The following FBLN1 variants were observed in gnomAD, a reference collection of about 807,000 sequenced individuals.
FBLN1 encodes fibulin 1.
A neutral mutation model predicts 89.7 loss-of-function variants in FBLN1; 34 were observed. The ratio of observed to expected loss-of-function variants is 0.38; its 90% CI spans 0.29 to 0.50. FBLN1 has a LOEUF of 0.50. Ranked by LOEUF, FBLN1 falls within the 20% of genes least tolerant of loss-of-function variation. The pLI is 0.92. For synonymous variants in FBLN1, 393 were observed against 391.3 expected (o/e 1.00, Z -0.05); for missense variants, 777 against 988.1 (o/e 0.79, Z 2.86).
In FBLN1 at chr22:45,535,351, C is replaced by T. The variant is rs147740669; in HGVS notation, c.922+14C>T. 5.7e-5 allele frequency: 92 copies of T among 1,614,004 alleles called. 1 individual carries two copies. In the Admixed American group the frequency reaches 1.1e-3, roughly 20 times the overall value. ...GCAACTGTATTGGTAAGAGGTGTGC[C>T]GCCAGGATTAGCGGGTTATTCCAGG... is the stretch of plus-strand genomic sequence containing the variant. On this transcript the variant is annotated intron_variant, in intron 8 of 16. Coordinates refer to ENST00000327858, the MANE Select transcript of FBLN1 (RefSeq NM_006486.3).
chr22:45,540,040 T>A (rs2088534781), intron 8 of FBLN1, among the ~76,000 whole-genome samples: 1 of 152,240 alleles, frequency 6.6e-6, no homozygotes, highest in South Asian at 2.1e-4. Flanking sequence ...AAAGCACCCC[T>A]GAGCAATGCA....
In FBLN1 at chr22:45,545,227, T is replaced by C. The variant is rs1391287446; in HGVS notation, c.1321+1701T>C. ...TCACGAGTTGAGTCTCTCAGGCTTG[T>C]GTTCAAACCTGACTTCTGCCATTTC... On this transcript the variant is annotated intron_variant, in intron 11 of 16. Transcript: ENST00000327858. The surrounding 1 kb of genome is among the most constrained non-coding windows in gnomAD (Gnocchi z 5.9). Among the ~76,000 whole-genome samples, 1 of 152,206 alleles carries C rather than the reference T, an allele frequency of 6.6e-6. No individual in the cohort carries two copies. Among genetic ancestry groups the C allele is most frequent in the Non-Finnish European group, 1.5e-5 (1 of 68,042 alleles).
At chr22:45,596,698 A>AT (rs561014358) in intron 16 of FBLN1, among the ~76,000 whole-genome samples, 2 of 126,502 alleles carry the variant, frequency 1.6e-5, no homozygotes, top group South Asian at 4.7e-4. Context: ...ATAATTATAT[A>AT]TTTATCATGT....
At chr22:45,525,462 A>G (rs1178484526) in intron 2 of FBLN1, 81 bp from the exon 3 acceptor site, 3 of 1,302,042 alleles carry the variant, frequency 2.3e-6, no homozygotes, top group East Asian at 5.0e-5. Flanking sequence ...CTCAAAGGTG[A>G]GAGCACCCCC....
At chr22:45,522,970 G>A (rs2088270449) in intron 2 of FBLN1, 1 of 530,774 alleles carries the variant, frequency 1.9e-6, no homozygotes, top group East Asian at 2.9e-5. Flanking sequence ...GCATTCTATA[G>A]GGGATGCAGA....
Position 45,550,073 on chromosome 22 carries a change from G to A in FBLN1, c.1574-419G>A, listed in dbSNP as rs2088682325. Among the ~76,000 whole-genome samples, 1 of 152,120 alleles carries A rather than the reference G, an allele frequency of 6.6e-6. No homozygotes were observed. Among genetic ancestry groups the A allele is most frequent in the African/African-American group, 2.4e-5 (1 of 41,414 alleles). On this transcript the variant is annotated intron_variant, in intron 13 of 16. Transcript: ENST00000327858. This position sits in a 1 kb window ranked among gnomAD's most constrained non-coding sequence, Gnocchi z 8.4. ...TGGACTCTGATGCCAGCCTGCCCGG[G>A]TTCAAAGCTCAGCTCTGACATTTAT...
At chr22:45,544,210 C>G (rs924586883) in intron 11 of FBLN1, among the ~76,000 whole-genome samples, 3 of 152,156 alleles carry the variant, frequency 2.0e-5, no homozygotes, top group African/African-American at 7.2e-5. Flanking sequence ...CCTCAGCCTC[C>G]CGAATAGCTG....
chr22:45,598,852 A>C (rs1327289413), intron 16 of FBLN1, among the ~76,000 whole-genome samples: 2 of 152,238 alleles, frequency 1.3e-5, no homozygotes, highest in East Asian at 3.8e-4. Context: ...GTGCAGGAGC[A>C]CAGGGGCATG....
At chr22:45,566,171 G>A (rs527336909) in intron 14 of FBLN1, among the ~76,000 whole-genome samples, 53 of 152,328 alleles carry the variant, frequency 3.5e-4, no homozygotes, top group African/African-American at 1.3e-3. Context: ...CAGGCTGGAA[G>A]GAACACCTGT....
At chr22:45,559,368 G>A (rs149628465) in intron 14 of FBLN1, among the ~76,000 whole-genome samples, 2 of 152,148 alleles carry the variant, frequency 1.3e-5, no homozygotes, top group East Asian at 1.9e-4. Context: ...ACCACCCCGC[G>A]TCTCAAGTTT....
At chr22:45,582,086 G>A (rs1405176751) in intron 16 of FBLN1, among the ~76,000 whole-genome samples, 15 of 152,216 alleles carry the variant, frequency 9.9e-5, no homozygotes, top group Non-Finnish European at 2.2e-4. Flanking sequence ...TAAGAAGACT[G>A]AGGCCGGAAG....
At chr22:45,560,447 TAA>T (rs2088837911) in intron 14 of FBLN1, among the ~76,000 whole-genome samples, 1 of 152,196 alleles carries the variant, frequency 6.6e-6, no homozygotes, top group African/African-American at 2.4e-5. Context: ...CCAATCTCCC[TAA>T]GTCTTTGGAT....
chr22:45,600,532 C>T lies in FBLN1; in HGVS notation c.*86C>T. The stretch of plus-strand genomic sequence containing the variant: ...TGTGGTCTGTACTTGTTTATACCCT[C>T]AGACTTTTTTAATGTTAGGTATTTG... On this transcript the variant is annotated 3_prime_UTR_variant, in exon 17 of 17. Transcript: ENST00000327858. 2 of 1,505,238 alleles carry T rather than the reference C, an allele frequency of 1.3e-6. No homozygotes were observed. Among genetic ancestry groups the T allele is most frequent in the Non-Finnish European group, 1.8e-6 (2 of 1,081,626 alleles). 93.2% of individuals were successfully genotyped at this position (1,505,238 alleles called of 1,614,324 possible).
At position 45,550,385 on chromosome 22, in the gene FBLN1, C is replaced by T. The variant is rs114273334; in HGVS notation, c.1574-107C>T. The T allele has an allele frequency of 1.0e-3, 1,581 of 1,519,916 alleles. 22 individuals carry two copies. The African/African-American group carries it at 0.019, about 18-fold the overall frequency. The allele number at this position is 1,519,916 out of a possible 1,614,324, so 94.2% of individuals were successfully genotyped here. On this transcript the variant is annotated intron_variant, in intron 13 of 16. Transcript: ENST00000327858. The surrounding 1 kb of genome is among the most constrained non-coding windows in gnomAD (Gnocchi z 8.4). ...CAGTGGAGGGCAGGGATGGCCTGAT[C>T]GCCACCCCTAACCCTAGTTGATGGG... is the stretch of plus-strand genomic sequence containing the variant.
intron 14 of FBLN1, among the ~76,000 whole-genome samples, chr22:45,567,594 C>T (rs953294826): frequency 2.6e-5 from 4 of 152,106 alleles, no homozygotes; most frequent in South Asian, 2.1e-4. Flanking sequence ...CCAGCCTGGG[C>T]GATAGAGTGA....
intron 3 of FBLN1, among the ~76,000 whole-genome samples, chr22:45,526,283 C>G (rs763185): frequency 0.08 from 12,173 of 152,266 alleles, 562 homozygotes; most frequent in South Asian, 0.17. Context: ...CCTGAGTGCT[C>G]CTAGGACCCT....
At chr22:45,533,381 A>G (rs1351256608) in intron 6 of FBLN1, among the ~76,000 whole-genome samples, 2 of 152,166 alleles carry the variant, frequency 1.3e-5, no homozygotes, top group African/African-American at 4.8e-5. Flanking sequence ...GGGGTTGGGA[A>G]AGAGGATGGA....
Position 45,502,902 on chromosome 22 carries a change from C to A in FBLN1, c.-84C>A. On this transcript the variant is annotated 5_prime_UTR_variant, in exon 1 of 17. Transcript: ENST00000327858. ...CCCAGCGTTGGCTGCCGAGGCTCGG[C>A]CGGAGCGTGGAGCCCGCGCCGCTGC... 4.0e-6 allele frequency: 2 copies of A among 495,104 alleles called. No individual in the cohort carries two copies. Among genetic ancestry groups the A allele is most frequent in the Non-Finnish European group, 5.3e-6 (2 of 375,322 alleles). The allele number at this position is 495,104 out of a possible 1,614,324, so 30.7% of individuals were successfully genotyped here.
In FBLN1 at chr22:45,541,269, C is replaced by G. The variant is rs9682; in HGVS notation, c.963C>G (p.Ile321Met). ...ECLSISAPCP[I>M]GHTCINTEGS... ...TGAGTATCAGTGCCCCGTGCCCTAT[C>G]GGGCATACATGCATCAACACAGAGG... The change falls in exon 9 of 17, where the codon ATC becomes ATG. Residue 321 changes from isoleucine to methionine, a missense_variant. By Grantham distance (10) the Ile-to-Met change is conservative. Transcript: ENST00000327858. The G allele has an allele frequency of 2.5e-6, 4 of 1,613,916 alleles. No homozygotes were observed. Among genetic ancestry groups the G allele is most frequent in the Non-Finnish European group, 3.4e-6 (4 of 1,179,946 alleles).
Sources: gnomAD v4.1 joint callset for allele counts (sites outside exome capture counted in the v4.1 genomes callset) on GRCh38, gnomAD v4.1.1 for gene constraint, Gnocchi (gnomAD v3.1) non-coding constraint, MANE v1.5 for transcripts, NCBI Gene and HGNC (gene_info 2026-07-23, HGNC 2026-07-21) for gene names.